The following KCNMB2 variants were observed in gnomAD, a reference collection of about 807,000 sequenced individuals.
KCNMB2 encodes calcium-activated potassium channel subunit beta-2.
A neutral mutation model predicts 24.5 loss-of-function variants in KCNMB2; 9 were observed. That is an observed-to-expected ratio of 0.37 (90% CI 0.22 to 0.64). The LOEUF is 0.64. Ranked by LOEUF, KCNMB2 falls within the 30% of genes least tolerant of loss-of-function variation. KCNMB2 has a pLI of 0.63. For synonymous variants in KCNMB2, 109 were observed against 104.4 expected (o/e 1.04, Z -0.27); for missense variants, 226 against 284.3 (o/e 0.79, Z 1.47).
At chr3:178,644,665 T>G (rs1417591666) in intron 1 of KCNMB2, among the ~76,000 whole-genome samples, 3 of 152,248 alleles carry the variant, frequency 2.0e-5, no homozygotes, top group African/African-American at 7.2e-5. Flanking sequence ...CTCTTAGCTT[T>G]GCATCAGTTT....
At chr3:178,697,389 G>T (rs116739969) in intron 1 of KCNMB2, among the ~76,000 whole-genome samples, 4,171 of 152,062 alleles carry the variant, frequency 0.027, 93 homozygotes, top group Non-Finnish European at 0.039. Flanking sequence ...ATCTTTGTTG[G>T]TCTAAAGCCT....
chr3:178,647,292 G>A (rs1265971399), intron 1 of KCNMB2, among the ~76,000 whole-genome samples: 1 of 152,150 alleles, frequency 6.6e-6, no homozygotes, highest in Non-Finnish European at 1.5e-5. Context: ...CTATTAGACA[G>A]ATGAAGTTCA....
At chr3:178,586,271 C>A (rs1047579596) in intron 1 of KCNMB2, among the ~76,000 whole-genome samples, 1 of 151,974 alleles carries the variant, frequency 6.6e-6, no homozygotes, top group African/African-American at 2.4e-5. Context: ...TAATTTCCAG[C>A]TGCAAACACC....
intron 1 of KCNMB2, among the ~76,000 whole-genome samples, chr3:178,727,566 T>C (rs1441854179): frequency 6.6e-6 from 1 of 152,142 alleles, no homozygotes; most frequent in African/African-American, 2.4e-5. Context: ...AAAACTTTTC[T>C]TGGCTATGGT....
At chr3:178,693,450 T>C (rs1254468955) in intron 1 of KCNMB2, among the ~76,000 whole-genome samples, 1 of 152,254 alleles carries the variant, frequency 6.6e-6, no homozygotes, top group Non-Finnish European at 1.5e-5. Flanking sequence ...TGGGACTTTT[T>C]AACATGAATG....
At chr3:178,677,662 G>C (rs1239923563) in intron 1 of KCNMB2, among the ~76,000 whole-genome samples, 1 of 152,164 alleles carries the variant, frequency 6.6e-6, no homozygotes, top group African/African-American at 2.4e-5. Context: ...AAATCACGAG[G>C]TTTTCACAAA....
At chr3:178,662,370 G>T (rs1362672450) in intron 1 of KCNMB2, among the ~76,000 whole-genome samples, 1 of 152,034 alleles carries the variant, frequency 6.6e-6, no homozygotes, top group Non-Finnish European at 1.5e-5. Flanking sequence ...CCTCAAAAAA[G>T]TTTTGAAAAA....
intron 1 of KCNMB2, among the ~76,000 whole-genome samples, chr3:178,621,599 C>T (rs1198414942): frequency 6.6e-6 from 1 of 152,040 alleles, no homozygotes; most frequent in Non-Finnish European, 1.5e-5. Flanking sequence ...GTTTTACTCC[C>T]TCGCAGCACC....
At chr3:178,757,532 G>A (rs1265570757) in intron 1 of KCNMB2, among the ~76,000 whole-genome samples, 14 of 39,264 alleles carry the variant, frequency 3.6e-4, no homozygotes, top group Non-Finnish European at 1.3e-4. Context: ...ATATCCAAGA[G>A]GATATATATA....
chr3:178,693,584 T>A (rs1218245053), intron 1 of KCNMB2, among the ~76,000 whole-genome samples: 3 of 152,216 alleles, frequency 2.0e-5, no homozygotes, highest in African/African-American at 7.2e-5. Context: ...CAACCTTGCA[T>A]CCCAGAAATA....
intron 1 of KCNMB2, among the ~76,000 whole-genome samples, chr3:178,769,097 GAC>G (rs1712241315): frequency 6.6e-6 from 1 of 152,178 alleles, no homozygotes; most frequent in Admixed American, 6.5e-5. Context: ...TGAAGTGCAA[GAC>G]ACTTTGAGTT....
intron 1 of KCNMB2, chr3:178,795,038 A>C (rs1212645150): frequency 6.6e-6 from 1 of 152,212 alleles, no homozygotes; most frequent in Non-Finnish European, 1.5e-5. Context: ...TTCTGTGACA[A>C]TCAGGGAAAC....
chr3:178,565,113 T>C (rs1367499121), intron 1 of KCNMB2, among the ~76,000 whole-genome samples: 2 of 152,214 alleles, frequency 1.3e-5, no homozygotes, highest in Non-Finnish European at 2.9e-5. Context: ...TACATCTGTA[T>C]GGATATAGTG....
At chr3:178,540,637 C>T (rs758401415) in intron 1 of KCNMB2, among the ~76,000 whole-genome samples, 2 of 152,220 alleles carry the variant, frequency 1.3e-5, no homozygotes, top group African/African-American at 2.4e-5. Context: ...CTTTGACTTG[C>T]TCTGCCTGCT....
intron 2 of KCNMB2, among the ~76,000 whole-genome samples, chr3:178,823,504 G>T (rs1249417976): frequency 6.6e-6 from 1 of 152,100 alleles, no homozygotes; most frequent in African/African-American, 2.4e-5. Context: ...CTCAAAAAGA[G>T]AACTTTAAAA....
At chr3:178,771,196 C>T (rs1017201982) in intron 1 of KCNMB2, among the ~76,000 whole-genome samples, 14 of 152,128 alleles carry the variant, frequency 9.2e-5, no homozygotes, top group Non-Finnish European at 1.8e-4. Flanking sequence ...GCATCTCCAA[C>T]GCTACCCTAC....
intron 1 of KCNMB2, among the ~76,000 whole-genome samples, chr3:178,780,762 A>C (rs543879953): frequency 1.4e-4 from 22 of 152,350 alleles, no homozygotes; most frequent in Admixed American, 2.0e-4. Flanking sequence ...ATCCTCATTC[A>C]TAAAATAGGA....
At chr3:178,583,315 C>T (rs1209067462) in intron 1 of KCNMB2, among the ~76,000 whole-genome samples, 1 of 152,118 alleles carries the variant, frequency 6.6e-6, no homozygotes. Flanking sequence ...TGAGCAATTA[C>T]ATCAGATTAT....
At chr3:178,671,662 A>G (rs1577086428) in intron 1 of KCNMB2, among the ~76,000 whole-genome samples, 1 of 152,176 alleles carries the variant, frequency 6.6e-6, no homozygotes, top group East Asian at 1.9e-4. Context: ...GCTGCATTGC[A>G]TTAGACAGCG....
Sources: allele counts gnomAD v4.1 joint callset (sites outside exome capture counted in the v4.1 genomes callset), GRCh38; gene constraint gnomAD v4.1.1; transcripts MANE v1.5; gene names NCBI Gene and HGNC (gene_info 2026-07-23, HGNC 2026-07-21).